Variants in PRKG1 observed in about 807,000 individuals in gnomAD.
The protein encoded by PRKG1 is cGMP-dependent protein kinase 1.
A neutral mutation model predicts 88.1 loss-of-function variants in PRKG1; 35 were observed. The observed-to-expected ratio is 0.40, with a 90% CI of 0.30 to 0.53. The LOEUF is 0.53. Among genes scored for constraint, PRKG1 ranks in the 20% least tolerant of loss-of-function variants. The probability of loss-of-function intolerance (pLI) is 0.59; values close to 1 mark genes in which losing one functional copy is unlikely to be tolerated. For synonymous variants in PRKG1, 303 were observed against 292.5 expected (o/e 1.04, Z -0.37); for missense variants, 540 against 839.8 (o/e 0.64, Z 4.41).
chr10:52,056,149 A>G (rs1846106424), intron 6 of PRKG1, among the ~76,000 whole-genome samples: 1 of 152,148 alleles, frequency 6.6e-6, no homozygotes, highest in Non-Finnish European at 1.5e-5. Context: ...TATATCTTAT[A>G]TTTTCCAATG....
intron 2 of PRKG1, among the ~76,000 whole-genome samples, chr10:51,182,601 C>T (rs922259385): frequency 1.3e-5 from 2 of 152,166 alleles, no homozygotes; most frequent in Admixed American, 1.3e-4. Context: ...TGAGACCCAG[C>T]TTGCCTAGGA....
intron 2 of PRKG1, among the ~76,000 whole-genome samples, chr10:51,353,115 C>CCT (rs1467804682): frequency 6.6e-6 from 1 of 151,892 alleles, no homozygotes; most frequent in East Asian, 1.9e-4. Context: ...ATGCTTAATC[C>CCT]CTCTCTCTCA....
chr10:52,288,834 T>TA lies in PRKG1; in HGVS notation c.1824dup (p.Leu609ThrfsTer27). ...TTGCCAAAAATGCTGCTAATTTAAT[T>TA]AAAAAACTATGCAGGTAAGTATTTC... On this transcript the variant is annotated frameshift_variant, in exon 15 of 18. Coordinates refer to ENST00000373980, the MANE Select transcript of PRKG1 (RefSeq NM_006258.4). LOFTEE classifies it high-confidence loss of function. 1 of 1,602,934 alleles carries TA rather than the reference T, an allele frequency of 6.2e-7. No homozygotes were observed. The highest frequency in any genetic ancestry group is 8.5e-7 in the Non-Finnish European group (1 of 1,175,672).
At chr10:51,393,011 CA>C in intron 2 of PRKG1, among the ~76,000 whole-genome samples, 10 of 151,660 alleles carry the variant, frequency 6.6e-5, no homozygotes, top group African/African-American at 2.4e-4. Flanking sequence ...AGACACTCCT[CA>C]CTTCCCAGAC....
chr10:51,814,818 A>G (rs891289972), intron 4 of PRKG1, among the ~76,000 whole-genome samples: 4 of 152,194 alleles, frequency 2.6e-5, no homozygotes, highest in African/African-American at 9.7e-5. Context: ...TTGCATAATT[A>G]TAGGCTAATT....
intron 4 of PRKG1, among the ~76,000 whole-genome samples, chr10:51,843,623 TCA>T (rs1840333612): frequency 1.3e-5 from 2 of 152,204 alleles, no homozygotes; most frequent in East Asian, 3.9e-4. Flanking sequence ...ACAGCTATGC[TCA>T]CTGCTGCACA....
chr10:51,726,729 T>C (rs1169522196), intron 3 of PRKG1, among the ~76,000 whole-genome samples: 1 of 152,234 alleles, frequency 6.6e-6, no homozygotes, highest in Non-Finnish European at 1.5e-5. Context: ...AATATATTTG[T>C]TATTAATGCC....
intron 3 of PRKG1, chr10:51,698,783 G>C (rs769893534): frequency 1.1e-5 from 17 of 1,614,196 alleles, no homozygotes; most frequent in Non-Finnish European, 1.4e-5. Flanking sequence ...CTGGATAGGA[G>C]TCTGCATCAG....
Position 52,297,699 on chromosome 10 carries a change from A to G in PRKG1, c.*3799A>G, listed in dbSNP as rs1302401096. The G allele has an allele frequency of 6.6e-6, 1 of 152,168 alleles. No homozygotes were observed. The highest frequency in any genetic ancestry group is 1.9e-4 in the East Asian group (1 of 5,204). The allele number at this position is 152,168 out of a possible 1,614,324, so 9.4% of individuals were successfully genotyped here. On this transcript the variant is annotated 3_prime_UTR_variant, in exon 18 of 18. Transcript: ENST00000373980. The stretch of plus-strand genomic sequence containing the variant: ...TTGCTAAGCTGTGCAGATTCTGTAA[A>G]AATAAATTAGTGCAGTCAAGTTCTA...
rs1327678560 is a variant in PRKG1, at chr10:52,224,821, A to G, written c.1077-26749A>G. ...ATAGTATTCCATCATATATATATAT[A>G]TATATATATATATATATACATACAT... On this transcript the variant is annotated intron_variant, in intron 9 of 17. Coordinates refer to ENST00000373980, the MANE Select transcript of PRKG1 (RefSeq NM_006258.4). 1.5e-5 allele frequency among the ~76,000 whole-genome samples: 2 copies of G among 137,842 alleles called. 1 individual carries two copies. Among genetic ancestry groups the G allele is most frequent in the Non-Finnish European group, 3.1e-5 (2 of 63,790 alleles). The allele number at this position is 137,842 out of a possible 152,430, so 90.4% of individuals were successfully genotyped here.
chr10:51,229,394 C>A (rs1006782490), intron 2 of PRKG1, among the ~76,000 whole-genome samples: 1 of 152,140 alleles, frequency 6.6e-6, no homozygotes, highest in Non-Finnish European at 1.5e-5. Context: ...ATGCCAGTAC[C>A]AAACTGACTA....
intron 2 of PRKG1, among the ~76,000 whole-genome samples, chr10:51,174,653 G>T (rs1001669439): frequency 6.6e-6 from 1 of 151,938 alleles, no homozygotes; most frequent in South Asian, 2.1e-4. Flanking sequence ...TTTTGAGTCC[G>T]TTGTGGTGCA....
At chr10:52,063,783 A>G (rs1195746701) in intron 7 of PRKG1, among the ~76,000 whole-genome samples, 2 of 152,000 alleles carry the variant, frequency 1.3e-5, no homozygotes, top group Non-Finnish European at 2.9e-5. Context: ...ATGAGTGTTC[A>G]GTTGTCAACA....
At chr10:51,742,432 G>A (rs934874653) in intron 3 of PRKG1, among the ~76,000 whole-genome samples, 11 of 152,180 alleles carry the variant, frequency 7.2e-5, no homozygotes, top group African/African-American at 2.2e-4. Context: ...AAGAACATGA[G>A]TTAAGACACT....
intron 1 of PRKG1, among the ~76,000 whole-genome samples, chr10:51,001,719 T>G (rs1487895595): frequency 6.6e-6 from 1 of 151,984 alleles, no homozygotes; most frequent in African/African-American, 2.4e-5. Context: ...CTCCTAAATG[T>G]AGGAAAAACA....
At chr10:51,756,697 C>G (rs1436813214) in intron 3 of PRKG1, among the ~76,000 whole-genome samples, 1 of 151,832 alleles carries the variant, frequency 6.6e-6, no homozygotes, top group Admixed American at 6.6e-5. Context: ...CACCTGTAGT[C>G]TCAGCTACTC....
intron 3 of PRKG1, among the ~76,000 whole-genome samples, chr10:51,663,176 G>A (rs1840340859): frequency 6.6e-6 from 1 of 151,876 alleles, no homozygotes; most frequent in Non-Finnish European, 1.5e-5. Context: ...GAGATTATGG[G>A]GCCAGATTGG....
At chr10:51,468,368 G>A (rs1165549264) in intron 3 of PRKG1, among the ~76,000 whole-genome samples, 3 of 151,740 alleles carry the variant, frequency 2.0e-5, no homozygotes, top group East Asian at 1.9e-4. Context: ...GTATATTATA[G>A]CATTTATCTT....
chr10:51,330,104 CTTTTA>C (rs1564448943), intron 2 of PRKG1, among the ~76,000 whole-genome samples: 5 of 118,970 alleles, frequency 4.2e-5, no homozygotes, highest in Non-Finnish European at 8.8e-5. Context: ...TACATTTGCT[CTTTTA>C]TTTATTTATT....
Sources: allele counts gnomAD v4.1 joint callset (sites outside exome capture counted in the v4.1 genomes callset), GRCh38; gene constraint gnomAD v4.1.1; transcripts MANE v1.5; gene names NCBI Gene and HGNC (gene_info 2026-07-23, HGNC 2026-07-21).